RAPGEF4: variants seen among roughly 807,000 people sequenced by gnomAD.
RAPGEF4 encodes the protein RAP guanine-nucleotide-exchange factor (GEF) 4.
Under a neutral mutation model 147.9 loss-of-function variants are expected in RAPGEF4, and 66 were observed. The observed-to-expected ratio is 0.45, with a 90% CI of 0.37 to 0.55. RAPGEF4 has a LOEUF of 0.55. RAPGEF4 is among the 20% of genes least tolerant of loss of function. The pLI, the probability that RAPGEF4 is intolerant of heterozygous loss-of-function variation, is 0.00. For synonymous variants in RAPGEF4, 419 were observed against 442.7 expected (o/e 0.95, Z 0.67); for missense variants, 1,071 against 1,257.3 (o/e 0.85, Z 2.24).
chr2:172,756,520 T>A (rs1695793278), intron 1 of RAPGEF4, among the ~76,000 whole-genome samples: 1 of 152,212 alleles, frequency 6.6e-6, no homozygotes, highest in African/African-American at 2.4e-5. Context: ...CCTAGTTGAT[T>A]GTGTCTAGTC....
At chr2:172,867,005 C>A in intron 4 of RAPGEF4, among the ~76,000 whole-genome samples, 1 of 149,442 alleles carries the variant, frequency 6.7e-6, no homozygotes, top group Non-Finnish European at 1.5e-5. Context: ...GGCTGCCAGG[C>A]TGCCAGGCTG....
chr2:172,826,879 A>G (rs1045183636), intron 4 of RAPGEF4, among the ~76,000 whole-genome samples: 1 of 151,956 alleles, frequency 6.6e-6, no homozygotes, highest in African/African-American at 2.4e-5. Flanking sequence ...TGGGAGGATC[A>G]CGTAAGCCCT....
intron 1 of RAPGEF4, among the ~76,000 whole-genome samples, chr2:172,774,342 A>C (rs899986171): frequency 6.6e-6 from 1 of 152,200 alleles, no homozygotes; most frequent in African/African-American, 2.4e-5. Flanking sequence ...AGCAGAATAA[A>C]GTCTGTGCCT....
rs1574876741 is a variant in RAPGEF4, at chr2:172,799,760, GAA to G, written c.297+2148_297+2149del. Among the ~76,000 whole-genome samples, 5 of 152,284 alleles carry G rather than the reference GAA, an allele frequency of 3.3e-5. No homozygotes were observed. In the East Asian group the frequency reaches 9.6e-4, roughly 29 times the overall value. ...TGAGAATTAAGGAGGAGAAAAGAAA[GAA>G]GAGGAAATCTCGAGAAGGAGAGAGA... On this transcript the variant is annotated intron_variant, in intron 3 of 30. Transcript: ENST00000397081.
chr2:172,904,277 T>A (rs1476368226), intron 4 of RAPGEF4, among the ~76,000 whole-genome samples: 1 of 152,204 alleles, frequency 6.6e-6, no homozygotes, highest in Admixed American at 6.5e-5. Context: ...CAGTCAACTG[T>A]TTCTCTGTGA....
chr2:173,032,517 TA>T lies in RAPGEF4; in HGVS notation c.2650-1396del, dbSNP rs1233939391. On this transcript the variant is annotated intron_variant, in intron 26 of 30. Coordinates refer to ENST00000397081, the MANE Select transcript of RAPGEF4 (RefSeq NM_007023.4). ...TCTTGCCAAAAACATAATCCACTCT[TA>T]TTTTTTTAAATGGACTAAATTCAGT... Among the ~76,000 whole-genome samples the T allele has an allele frequency of 2.6e-5, 4 of 152,352 alleles. No individual in the cohort carries two copies. The South Asian group carries it at 8.3e-4, about 32-fold the overall frequency.
chr2:172,778,573 T>C (rs1236391219), intron 1 of RAPGEF4, among the ~76,000 whole-genome samples: 1 of 152,116 alleles, frequency 6.6e-6, no homozygotes, highest in East Asian at 1.9e-4. Context: ...GAAAATGGTT[T>C]AGAACCATTT....
chr2:173,035,183 T>C (rs904317967), intron 27 of RAPGEF4, among the ~76,000 whole-genome samples: 1 of 151,658 alleles, frequency 6.6e-6, no homozygotes. Context: ...GCCTTCCAAA[T>C]AGCCTCCCAA....
intron 1 of RAPGEF4, among the ~76,000 whole-genome samples, chr2:172,787,661 C>T (rs1227057722): frequency 6.8e-6 from 1 of 146,136 alleles, no homozygotes; most frequent in Admixed American, 6.9e-5. Flanking sequence ...ACTTTGTCAC[C>T]CAGGTTGGAG....
chr2:172,919,037 A>G (rs1351828990), intron 5 of RAPGEF4, among the ~76,000 whole-genome samples: 1 of 152,058 alleles, frequency 6.6e-6, no homozygotes, highest in Non-Finnish European at 1.5e-5. Flanking sequence ...CCTGCAGAGG[A>G]GGAGGGTGGG....
At chr2:172,956,964 G>A (rs552056468) in intron 6 of RAPGEF4, among the ~76,000 whole-genome samples, 1 of 152,300 alleles carries the variant, frequency 6.6e-6, no homozygotes, top group East Asian at 1.9e-4. Context: ...CTTCCAAAGG[G>A]TGGGCCAAGA....
chr2:172,914,319 A>ATTT lies in RAPGEF4; in HGVS notation c.445-3453_445-3451dup, dbSNP rs573065663. On this transcript the variant is annotated intron_variant, in intron 4 of 30. Coordinates refer to ENST00000397081, the MANE Select transcript of RAPGEF4 (RefSeq NM_007023.4). ...CCTAGCTCAGTCAAAGGAAATATGCATTTTTTTTTTTTTTTTTTTTTTTTT... is the reference window on the plus strand; with the variant it reads ...CCTAGCTCAGTCAAAGGAAATATGCATTTTTTTTTTTTTTTTTTTTTTTTTTTT... Among the ~76,000 whole-genome samples, 7 of 62,452 alleles carry ATTT rather than the reference A, an allele frequency of 1.1e-4. No homozygotes were observed. The South Asian group carries it at 2.1e-3, about 19-fold the overall frequency. The allele number at this position is 62,452 out of a possible 152,430, so 41.0% of individuals were successfully genotyped here.
chr2:172,832,728 T>G (rs1354798736), intron 4 of RAPGEF4, among the ~76,000 whole-genome samples: 1 of 152,252 alleles, frequency 6.6e-6, no homozygotes, highest in African/African-American at 2.4e-5. Flanking sequence ...TCTTGATGCA[T>G]GCACATTCTA....
intron 4 of RAPGEF4, among the ~76,000 whole-genome samples, chr2:172,838,218 A>G (rs1269751494): frequency 6.6e-6 from 1 of 152,024 alleles, no homozygotes; most frequent in Admixed American, 6.6e-5. Context: ...AAAAAATGAA[A>G]CATGTTTATT....
chr2:172,936,624 A>G (rs1262077035), intron 6 of RAPGEF4, among the ~76,000 whole-genome samples: 2 of 151,050 alleles, frequency 1.3e-5, no homozygotes, highest in African/African-American at 2.4e-5. Flanking sequence ...TTAAATAGCT[A>G]TTTGTACCTT....
chr2:172,996,616 T>C, intron 16 of RAPGEF4, 62 bp downstream of exon 16: 1 of 1,141,296 alleles, frequency 8.8e-7, no homozygotes, highest in Non-Finnish European at 1.3e-6. Context: ...TTAAAAGTCC[T>C]GAATTCATTT....
chr2:172,929,098 G>A (rs1685663339), intron 6 of RAPGEF4, among the ~76,000 whole-genome samples: 1 of 152,192 alleles, frequency 6.6e-6, no homozygotes, highest in Non-Finnish European at 1.5e-5. Flanking sequence ...TTAACTGTGA[G>A]AATAAAATAG....
Position 172,868,692 on chromosome 2 carries a change from G to A in RAPGEF4, c.445-49110G>A, listed in dbSNP as rs528742773. On this transcript the variant is annotated intron_variant, in intron 4 of 30. Transcript: ENST00000397081. ...GTTCTAGCTTCATCTTAATTAAGTG[G>A]GTTTCTACAGTTTTTCTTCTTCTAA... Among the ~76,000 whole-genome samples, 8 of 152,308 alleles carry A rather than the reference G, an allele frequency of 5.3e-5. No individual in the cohort carries two copies. In the Middle Eastern group the frequency reaches 0.01, roughly 194 times the overall value.
intron 4 of RAPGEF4, among the ~76,000 whole-genome samples, chr2:172,870,494 C>G (rs1399894987): frequency 2.0e-5 from 3 of 152,132 alleles, no homozygotes; most frequent in African/African-American, 7.2e-5. Context: ...TAGCTGTGGC[C>G]TGTGTCAGTT....
Sources: allele counts gnomAD v4.1 joint callset (sites outside exome capture counted in the v4.1 genomes callset), GRCh38; gene constraint gnomAD v4.1.1; transcripts MANE v1.5; gene names NCBI Gene and HGNC (gene_info 2026-07-23, HGNC 2026-07-21).